Variants in MAN1C1 observed in about 807,000 individuals in gnomAD.
MAN1C1 encodes the protein mannosidase alpha class 1C member 1, also known as mannosyl-oligosaccharide 1,2-alpha-mannosidase IC.
In MAN1C1, 49 loss-of-function variants were observed where a neutral mutation model predicts 71.5. That is an observed-to-expected ratio of 0.69 (90% CI 0.54 to 0.87). The LOEUF is 0.87. MAN1C1 is among the 40% of genes least tolerant of loss of function. The pLI, the probability that MAN1C1 is intolerant of heterozygous loss-of-function variation, is 0.00. For synonymous variants in MAN1C1, 352 were observed against 343.7 expected (o/e 1.02, Z -0.27); for missense variants, 743 against 835.0 (o/e 0.89, Z 1.36).
rs1366397098 is a variant in MAN1C1, at chr1:25,758,790, G to A, written c.1047+81G>A. ...CCACAGGGTTTTCAGAGGCGAGTGG[G>A]TCCTCCCTCATGGATCAGCAGGAGG... On this transcript the variant is annotated intron_variant, in intron 6 of 11. Coordinates refer to ENST00000374332, the MANE Select transcript of MAN1C1 (RefSeq NM_020379.4). 3.2e-6 allele frequency: 4 copies of A among 1,251,064 alleles called. 1 individual carries two copies. In the South Asian group the frequency reaches 4.8e-5, roughly 15 times the overall value. The allele number at this position is 1,251,064 out of a possible 1,614,324, so 77.5% of individuals were successfully genotyped here. A position where few individuals can be genotyped will look rare whatever the true frequency, so the allele number is the denominator to read the frequency against.
At chr1:25,704,680 T>C (rs897413889) in intron 2 of MAN1C1, among the ~76,000 whole-genome samples, 1 of 152,244 alleles carries the variant, frequency 6.6e-6, no homozygotes, top group Non-Finnish European at 1.5e-5. Context: ...CTCCGGCTGA[T>C]CCTGTTAAAA....
chr1:25,698,110 A>G (rs780789944), intron 2 of MAN1C1, among the ~76,000 whole-genome samples: 6 of 152,192 alleles, frequency 3.9e-5, no homozygotes, highest in Non-Finnish European at 8.8e-5. Context: ...AGCAGGAGCA[A>G]TCAGTGAAGT....
At chr1:25,695,421 C>T (rs886206263) in intron 2 of MAN1C1, among the ~76,000 whole-genome samples, 3 of 152,136 alleles carry the variant, frequency 2.0e-5, no homozygotes, top group Non-Finnish European at 4.4e-5. Flanking sequence ...GATAAGAGAA[C>T]CTGCTGTTAG....
At chr1:25,655,919 C>A (rs1269457538) in intron 1 of MAN1C1, among the ~76,000 whole-genome samples, 2 of 151,904 alleles carry the variant, frequency 1.3e-5, no homozygotes, top group African/African-American at 4.8e-5. Context: ...TCCCCCAGGG[C>A]TGTGGGTCGG....
intron 1 of MAN1C1, among the ~76,000 whole-genome samples, chr1:25,672,134 C>T (rs2046001371): frequency 6.6e-6 from 1 of 152,154 alleles, no homozygotes; most frequent in Non-Finnish European, 1.5e-5. Flanking sequence ...GGTACAAGTC[C>T]CAGAGTCCAA....
intron 1 of MAN1C1, chr1:25,645,939 T>C (rs892358088): frequency 1.8e-4 from 27 of 152,310 alleles, no homozygotes; most frequent in African/African-American, 6.5e-4. Context: ...CCTTGGCTTT[T>C]GCTGTCTTGC....
At chr1:25,672,584 C>T (rs2046007349) in intron 1 of MAN1C1, among the ~76,000 whole-genome samples, 1 of 152,194 alleles carries the variant, frequency 6.6e-6, no homozygotes, top group Non-Finnish European at 1.5e-5. Context: ...ATTCTCCTGC[C>T]TCTCTGTCCT....
At chr1:25,693,693 G>A (rs1400879314) in intron 2 of MAN1C1, among the ~76,000 whole-genome samples, 1 of 152,170 alleles carries the variant, frequency 6.6e-6, no homozygotes, top group Non-Finnish European at 1.5e-5. Flanking sequence ...GTTGATCAAG[G>A]CCAAATGTAC....
intron 5 of MAN1C1, among the ~76,000 whole-genome samples, chr1:25,755,022 C>T (rs904314949): frequency 1.1e-4 from 16 of 152,172 alleles, no homozygotes; most frequent in Non-Finnish European, 1.0e-4. Context: ...GAGGGGGCCT[C>T]CTGGCAGGAG....
At chr1:25,757,034 C>T (rs541225358) in intron 5 of MAN1C1, among the ~76,000 whole-genome samples, 5 of 152,060 alleles carry the variant, frequency 3.3e-5, no homozygotes, top group Non-Finnish European at 7.4e-5. Context: ...TCTCAAAACC[C>T]GAGCCCTTCG....
At chr1:25,680,865 A>C (rs2046141266) in intron 1 of MAN1C1, among the ~76,000 whole-genome samples, 1 of 152,124 alleles carries the variant, frequency 6.6e-6, no homozygotes, top group Admixed American at 6.6e-5. Context: ...TCAGTGATGC[A>C]CTAGGAAGAC....
intron 2 of MAN1C1, among the ~76,000 whole-genome samples, chr1:25,689,506 T>G (rs1572151569): frequency 6.6e-6 from 1 of 152,124 alleles, no homozygotes; most frequent in East Asian, 1.9e-4. Flanking sequence ...AAATGGGTCA[T>G]AGGACACGAA....
chr1:25,707,834 G>A (rs936048226), intron 2 of MAN1C1, among the ~76,000 whole-genome samples: 6 of 152,226 alleles, frequency 3.9e-5, no homozygotes, highest in Non-Finnish European at 2.9e-5. Context: ...GGAGTAGAAA[G>A]GAAGGGCCTG....
chr1:25,661,052 G>A (rs2045839573), intron 1 of MAN1C1, among the ~76,000 whole-genome samples: 1 of 152,060 alleles, frequency 6.6e-6, no homozygotes, highest in Non-Finnish European at 1.5e-5. Context: ...CAAAGAAGTG[G>A]CTCACATCAT....
At chr1:25,627,377 C>T (rs947082048) in intron 1 of MAN1C1, among the ~76,000 whole-genome samples, 2 of 152,106 alleles carry the variant, frequency 1.3e-5, no homozygotes, top group African/African-American at 2.4e-5. Flanking sequence ...CAGATTCAAG[C>T]GATCTTCCTG....
At chr1:25,758,863 T>C in intron 6 of MAN1C1, 154 bp downstream of exon 6, 2 of 685,936 alleles carry the variant, frequency 2.9e-6, no homozygotes, top group Admixed American at 4.3e-5. Context: ...TAGCAAATAG[T>C]AGCTACCTAT....
chr1:25,662,572 A>G lies in MAN1C1; in HGVS notation c.541-23868A>G, dbSNP rs549944716. Among the ~76,000 whole-genome samples the G allele has an allele frequency of 9.2e-5, 14 of 152,010 alleles. No homozygotes were observed. In the South Asian group the frequency reaches 2.3e-3, roughly 25 times the overall value. ...ATGCTCATGGCGTGCACACATGCGC[A>G]CACACACACAAACACGGTTCCCTAA... On this transcript the variant is annotated intron_variant, in intron 1 of 11. Coordinates refer to ENST00000374332, the MANE Select transcript of MAN1C1 (RefSeq NM_020379.4).
chr1:25,694,925 A>G (rs1470006406), intron 2 of MAN1C1, among the ~76,000 whole-genome samples: 3 of 152,344 alleles, frequency 2.0e-5, no homozygotes, highest in Non-Finnish European at 1.5e-5. Flanking sequence ...TCTGAACCTC[A>G]GTCTACTCAC....
chr1:25,712,247 C>T (rs891511723), intron 2 of MAN1C1, among the ~76,000 whole-genome samples: 5 of 152,224 alleles, frequency 3.3e-5, no homozygotes, highest in Non-Finnish European at 7.3e-5. Context: ...TGGCTCCCCA[C>T]GTCTAACCTC....
Sources: gnomAD v4.1 joint callset for allele counts (sites outside exome capture counted in the v4.1 genomes callset) on GRCh38, gnomAD v4.1.1 for gene constraint, MANE v1.5 for transcripts, NCBI Gene and HGNC (gene_info 2026-07-23, HGNC 2026-07-21) for gene names.